The following DMC1 variants were observed in gnomAD, a reference collection of about 807,000 sequenced individuals.
DMC1 encodes the protein meiotic recombination protein DMC1 homolog.
A neutral mutation model predicts 50.1 loss-of-function variants in DMC1; 27 were observed. The observed-to-expected ratio is 0.54, with a 90% CI of 0.40 to 0.74. The LOEUF (loss-of-function observed/expected upper bound fraction) is 0.74. Among genes scored for constraint, DMC1 ranks in the 30% least tolerant of loss-of-function variants. The probability of loss-of-function intolerance (pLI) is 0.00; values close to 1 mark genes in which losing one functional copy is unlikely to be tolerated. For synonymous variants in DMC1, 148 were observed against 136.1 expected (o/e 1.09, Z -0.61); for missense variants, 295 against 420.2 (o/e 0.70, Z 2.60).
intron 12 of DMC1, among the ~76,000 whole-genome samples, chr22:38,532,821 G>GTGAC (rs1246584397): frequency 6.6e-6 from 1 of 151,422 alleles, no homozygotes; most frequent in Non-Finnish European, 1.5e-5. Context: ...GTCTGTCTAT[G>GTGAC]TGACTTAGGC....
At chr22:38,532,415 G>A (rs1438848502) in intron 12 of DMC1, among the ~76,000 whole-genome samples, 1 of 147,566 alleles carries the variant, frequency 6.8e-6, no homozygotes, top group Non-Finnish European at 1.5e-5. Context: ...CTCCCCTCCC[G>A]GGTTCAAACG....
intron 1 of DMC1, 30 bp from the exon 2 acceptor site, chr22:38,568,319 G>A: frequency 1.3e-6 from 2 of 1,530,798 alleles, no homozygotes; most frequent in Non-Finnish European, 1.8e-6. Flanking sequence ...TATGTAAGAA[G>A]TAGTCCTTTG....
At chr22:38,541,119 G>A (rs1228166017) in intron 8 of DMC1, among the ~76,000 whole-genome samples, 2 of 152,016 alleles carry the variant, frequency 1.3e-5, no homozygotes, top group Non-Finnish European at 2.9e-5. Context: ...TTGGGGGTCT[G>A]AAGGAACTCC....
At chr22:38,515,553 C>T (rs1264545147), downstream of DMC1, among the ~76,000 whole-genome samples, 1 of 151,388 alleles carries the variant, frequency 6.6e-6, no homozygotes, top group African/African-American at 2.4e-5. Flanking sequence ...AATCCCAGCA[C>T]TTTGGGAGGC....
In DMC1 at chr22:38,564,705, A is replaced by C. The variant is rs182840158; in HGVS notation, c.243+1885T>G. 1.9e-3 allele frequency among the ~76,000 whole-genome samples: 282 copies of C among 152,348 alleles called. 1 individual carries two copies. The highest frequency in any genetic ancestry group is 1.4e-3 in the Non-Finnish European group (98 of 68,034). Reference sequence around the variant, plus strand: ...TTGGTGCAGTAGTGGGTGCTTGAGAAAGAGAGAGGTTCTTTTCTTTGGTAA... The same window carrying C: ...TTGGTGCAGTAGTGGGTGCTTGAGACAGAGAGAGGTTCTTTTCTTTGGTAA... On this transcript the variant is annotated intron_variant, in intron 4 of 13. Coordinates refer to ENST00000216024, the MANE Select transcript of DMC1 (RefSeq NM_007068.4).
intron 12 of DMC1, among the ~76,000 whole-genome samples, chr22:38,534,021 T>TG (rs1217232968): frequency 1.3e-5 from 2 of 152,186 alleles, no homozygotes; most frequent in African/African-American, 2.4e-5. Context: ...GCAAAACAGT[T>TG]GGTCTGTGTT....
the DMC1 span, among the ~76,000 whole-genome samples, chr22:38,512,795 C>T: frequency 2.0e-5 from 3 of 152,138 alleles, no homozygotes; most frequent in Non-Finnish European, 4.4e-5. Flanking sequence ...ATTAGAAAGA[C>T]ATTAGGGGCT....
downstream of DMC1, among the ~76,000 whole-genome samples, chr22:38,517,214 T>C (rs1442094667): frequency 6.6e-6 from 1 of 152,196 alleles, no homozygotes; most frequent in Non-Finnish European, 1.5e-5. Flanking sequence ...GCCTTTGCTA[T>C]CTCTAAGAAT....
rs781332798 is a variant in DMC1 at position 38,549,943 on chromosome 22, A to G, written c.476T>C (p.Ile159Thr). Residue 159 changes from isoleucine (I) to threonine (T), a missense_variant, in exon 8 of 14, where the codon ATT (isoleucine) becomes ACT (threonine). Transcript: ENST00000216024. ...AGGTTACAAAGTATTTTCTGTATCA[A>G]TGAAGATAATCTTTCCTCCTGGGTA... is the stretch of plus-strand genomic sequence containing the variant. ...GGYPGGKIIFIDTENTFRPDR... is the reference protein window; with the variant it reads ...GGYPGGKIIFTDTENTFRPDR... 5.0e-6 allele frequency: 8 copies of G among 1,613,036 alleles called. No individual in the cohort carries two copies. The highest frequency in any genetic ancestry group is 2.2e-5 in the South Asian group (2 of 91,052).
chr22:38,520,996 A>G (rs1398081319), intron 13 of DMC1, among the ~76,000 whole-genome samples: 6 of 151,148 alleles, frequency 4.0e-5, no homozygotes, highest in African/African-American at 7.3e-5. Context: ...TCGGCCTCCC[A>G]AAAGTGCTAG....
chr22:38,559,180 C>T (rs973473203), intron 5 of DMC1, among the ~76,000 whole-genome samples: 2 of 152,002 alleles, frequency 1.3e-5, no homozygotes, highest in African/African-American at 4.8e-5. Context: ...CAGGCACATG[C>T]CACCATGCCC....
Position 38,562,276 on chromosome 22 carries a change from A to G in DMC1, c.326+11T>C, listed in dbSNP as rs1405929056. On this transcript the variant is annotated intron_variant, in intron 5 of 13. Coordinates refer to ENST00000216024, the MANE Select transcript of DMC1 (RefSeq NM_007068.4). ...TTATGCTTAGTGATTATAAAAAAGT[A>G]AGATACATACTCAAATTCCTGGCTC... 1.9e-6 allele frequency: 3 copies of G among 1,567,944 alleles called. No homozygotes were observed. In the East Asian group the frequency reaches 6.7e-5, roughly 35 times the overall value.
At chr22:38,549,652 A>G in intron 8 of DMC1, 1 of 336,064 alleles carries the variant, frequency 3.0e-6, no homozygotes, top group South Asian at 4.7e-5. Flanking sequence ...TCTAACTATT[A>G]AGCAACATCT....
chr22:38,558,174 G>C (rs2090488875), intron 5 of DMC1, among the ~76,000 whole-genome samples: 1 of 150,636 alleles, frequency 6.6e-6, no homozygotes, highest in Admixed American at 6.6e-5. Flanking sequence ...CTTTAGTAGA[G>C]ACCTTGTGAT....
intron 12 of DMC1, among the ~76,000 whole-genome samples, chr22:38,523,166 A>G (rs2090048103): frequency 6.6e-6 from 1 of 152,230 alleles, no homozygotes; most frequent in South Asian, 2.1e-4. Flanking sequence ...GTGAACCACT[A>G]TCAAGAAAGT....
intron 8 of DMC1, among the ~76,000 whole-genome samples, chr22:38,541,688 G>A (rs893488191): frequency 3.3e-5 from 5 of 152,086 alleles, no homozygotes; most frequent in African/African-American, 7.2e-5. Context: ...AACCGGTTAC[G>A]GAAACAAAAA....
intron 7 of DMC1, 66 bp downstream of exon 7, chr22:38,552,600 C>A: frequency 9.1e-7 from 1 of 1,097,192 alleles, no homozygotes. Flanking sequence ...GAGTATCAGG[C>A]ACATAGTAGA....
intron 7 of DMC1, 22 bp downstream of exon 7, chr22:38,552,644 T>G (rs1297833245): frequency 6.6e-7 from 1 of 1,510,322 alleles, no homozygotes; most frequent in Admixed American, 1.7e-5. Context: ...TTATTATTGT[T>G]ATTGTTGTTA....
intron 5 of DMC1, among the ~76,000 whole-genome samples, chr22:38,561,891 C>T (rs889331292): frequency 6.6e-6 from 1 of 152,118 alleles, no homozygotes; most frequent in Non-Finnish European, 1.5e-5. Flanking sequence ...GTTAAAACTT[C>T]TCCTGCAGAA....
Sources: allele counts gnomAD v4.1 joint callset (sites outside exome capture counted in the v4.1 genomes callset), GRCh38; gene constraint gnomAD v4.1.1; transcripts MANE v1.5; gene names NCBI Gene and HGNC (gene_info 2026-07-23, HGNC 2026-07-21).